GPT2: variants seen among roughly 807,000 people sequenced by gnomAD.
GPT2 encodes the protein glutamic--pyruvic transaminase 2, also known as alanine aminotransferase 2.
A neutral mutation model predicts 56.9 loss-of-function variants in GPT2; 30 were observed. The ratio of observed to expected loss-of-function variants is 0.53; its 90% CI spans 0.39 to 0.72. GPT2 has a LOEUF of 0.72. Ranked by LOEUF, GPT2 falls within the 30% of genes least tolerant of loss-of-function variation. The probability of loss-of-function intolerance (pLI) is 0.00; values close to 1 mark genes in which losing one functional copy is unlikely to be tolerated. For missense variants in GPT2, 542 were observed against 703.4 expected (o/e 0.77, Z 2.60); for synonymous variants, 271 against 283.1 (o/e 0.96, Z 0.43).
chr16:46,907,004 C>T (rs777127225), intron 5 of GPT2, 29 bp downstream of exon 5: 16 of 1,613,574 alleles, frequency 9.9e-6, no homozygotes, highest in South Asian at 3.3e-5. Context: ...CGTTGTTATC[C>T]GGTGTTTACC....
In GPT2 at chr16:46,926,927, C is replaced by T; in HGVS notation, c.1371C>T (p.Ala457=). Residue 457 remains alanine, a splice_region_variant and synonymous_variant, in exon 11 of 12, where the codon GCC becomes GCT. Coordinates refer to ENST00000340124, the MANE Select transcript of GPT2 (RefSeq NM_133443.4). ...ATGAGCTCTGTCTGCTCCCATAGGC[C>T]CATCAAATGGCTCCAGACATGTTCT... ...IPAKAVEAAQ[A]HQMAPDMFYC... 6.4e-7 allele frequency: 1 copy of T among 1,571,652 alleles called. No individual in the cohort carries two copies. Among genetic ancestry groups the T allele is most frequent in the Non-Finnish European group, 8.6e-7 (1 of 1,161,012 alleles).
chr16:46,898,892 A>G (rs1960742269), intron 3 of GPT2, among the ~76,000 whole-genome samples: 1 of 145,144 alleles, frequency 6.9e-6, no homozygotes, highest in South Asian at 2.1e-4. Context: ...ATATATACGT[A>G]TATATATACA....
chr16:46,911,660 G>T (rs1270243584), intron 6 of GPT2, among the ~76,000 whole-genome samples: 1 of 152,210 alleles, frequency 6.6e-6, no homozygotes, highest in African/African-American at 2.4e-5. Flanking sequence ...TGCCTCAGAA[G>T]CATGGTGCCC....
rs923408725 is a variant in GPT2, at chr16:46,929,103, G to T, written c.*106G>T. The T allele has an allele frequency of 1.2e-6, 1 of 810,092 alleles. No individual in the cohort carries two copies. Among genetic ancestry groups the T allele is most frequent in the Non-Finnish European group, 2.1e-6 (1 of 472,916 alleles). 50.2% of individuals were successfully genotyped at this position (810,092 alleles called of 1,614,324 possible). ...CTCTGCCTCGGGCCTCGCAGAGGCCGCTGGTCACTTCGTCATCATTTTGCC... is the reference window on the plus strand; with the variant it reads ...CTCTGCCTCGGGCCTCGCAGAGGCCTCTGGTCACTTCGTCATCATTTTGCC... On this transcript the variant is annotated 3_prime_UTR_variant, in exon 12 of 12. Coordinates refer to ENST00000340124, the MANE Select transcript of GPT2 (RefSeq NM_133443.4).
intron 1 of GPT2, 69 bp downstream of exon 1, chr16:46,884,536 G>T (rs1960441687): frequency 2.9e-6 from 2 of 686,940 alleles, no homozygotes; most frequent in Middle Eastern, 9.2e-4. Context: ...GTGCTTCAGC[G>T]GCGCCGTGGA....
chr16:46,902,601 A>T (rs114646005), intron 4 of GPT2, among the ~76,000 whole-genome samples: 1,798 of 152,180 alleles, frequency 0.012, 32 homozygotes, highest in African/African-American at 0.041. Context: ...AAATATGTAT[A>T]CAAAGTCTTG....
intron 2 of GPT2, among the ~76,000 whole-genome samples, chr16:46,888,471 C>G (rs373011960): frequency 6.6e-6 from 1 of 152,070 alleles, no homozygotes; most frequent in Non-Finnish European, 1.5e-5. Flanking sequence ...CTCAGCCTCC[C>G]GAGTAGCTGG....
chr16:46,918,089 C>T (rs192851588), intron 7 of GPT2, among the ~76,000 whole-genome samples: 3 of 152,216 alleles, frequency 2.0e-5, no homozygotes, highest in East Asian at 1.9e-4. Flanking sequence ...GTGCTGGACT[C>T]GGGACTGGAA....
intron 10 of GPT2, among the ~76,000 whole-genome samples, chr16:46,925,440 G>A (rs1396963812): frequency 1.3e-5 from 2 of 152,116 alleles, no homozygotes; most frequent in East Asian, 3.9e-4. Context: ...CCAGGATGGT[G>A]TCGATCTCCT....
rs751546026 is a variant in GPT2 at position 46,916,641 on chromosome 16, C to T, written c.834C>T (p.Ser278=). 1 of 1,613,500 alleles carries T rather than the reference C, an allele frequency of 6.2e-7. No individual in the cohort carries two copies. Among genetic ancestry groups the T allele is most frequent in the African/African-American group, 1.3e-5 (1 of 74,922 alleles). Residue 278 remains serine, a synonymous_variant, in exon 7 of 12, where the codon AGC becomes AGT. Coordinates refer to ENST00000340124, the MANE Select transcript of GPT2 (RefSeq NM_133443.4). ...GGGATTTTATAGGCCAGGTACAAAG[C>T]AGAAAGTGCATAGAAGATGTGATCC... ...NPGNPTGQVQ[S]RKCIEDVIHF...
At chr16:46,925,658 C>T (rs1555487063) in intron 10 of GPT2, among the ~76,000 whole-genome samples, 2 of 151,756 alleles carry the variant, frequency 1.3e-5, no homozygotes, top group Non-Finnish European at 2.9e-5. Flanking sequence ...TAGTGAAACC[C>T]TCTCTACAAA....
intron 7 of GPT2, 152 bp from the exon 8 acceptor site, chr16:46,918,469 A>C: frequency 1.2e-6 from 1 of 816,502 alleles, no homozygotes; most frequent in Non-Finnish European, 2.0e-6. Context: ...AAGTTCCTTC[A>C]GGCACACTTG....
intron 4 of GPT2, among the ~76,000 whole-genome samples, chr16:46,906,141 A>G (rs757916613): frequency 6.6e-6 from 1 of 151,996 alleles, no homozygotes; most frequent in Non-Finnish European, 1.5e-5. Context: ...TGGTGTCATC[A>G]TAGCTCACCG....
chr16:46,894,183 G>A (rs183371122), intron 2 of GPT2, among the ~76,000 whole-genome samples: 20 of 152,314 alleles, frequency 1.3e-4, no homozygotes, highest in Non-Finnish European at 2.6e-4. Context: ...TCGCGGCAGC[G>A]GCCCTGCATT....
intron 2 of GPT2, among the ~76,000 whole-genome samples, chr16:46,893,671 G>C (rs369779276): frequency 6.6e-6 from 1 of 152,320 alleles, no homozygotes; most frequent in Admixed American, 6.5e-5. Context: ...GAGCTGGGGG[G>C]TTGGTGCCCT....
intron 11 of GPT2, among the ~76,000 whole-genome samples, chr16:46,928,008 C>T (rs984493133): frequency 1.3e-5 from 2 of 151,930 alleles, no homozygotes; most frequent in South Asian, 2.1e-4. Flanking sequence ...TAGGAAAGCC[C>T]GAGTCATACT....
At chr16:46,928,369 A>C (rs1961459735) in intron 11 of GPT2, among the ~76,000 whole-genome samples, 1 of 151,694 alleles carries the variant, frequency 6.6e-6, no homozygotes, top group African/African-American at 2.4e-5. Flanking sequence ...TCATGCCTGT[A>C]ATCCCAGCAC....
intron 4 of GPT2, among the ~76,000 whole-genome samples, chr16:46,904,705 A>G (rs777855757): frequency 6.6e-6 from 1 of 152,120 alleles, no homozygotes; most frequent in Admixed American, 6.5e-5. Flanking sequence ...GGCAGGAAGA[A>G]TGGGAGGCCT....
chr16:46,916,492 G>A, intron 6 of GPT2, 136 bp from the exon 7 acceptor site: 1 of 710,640 alleles, frequency 1.4e-6, no homozygotes, highest in Non-Finnish European at 2.6e-6. Context: ...GCTGGGGAGG[G>A]GGGCCTCTGC....
Sources: gnomAD v4.1 joint callset for allele counts (sites outside exome capture counted in the v4.1 genomes callset) on GRCh38, gnomAD v4.1.1 for gene constraint, MANE v1.5 for transcripts, NCBI Gene and HGNC (gene_info 2026-07-23, HGNC 2026-07-21) for gene names.